The following TSPOAP1 variants were observed in gnomAD, a reference collection of about 807,000 sequenced individuals.
The protein encoded by TSPOAP1 is peripheral-type benzodiazepine receptor-associated protein 1.
Under a neutral mutation model 197.0 loss-of-function variants are expected in TSPOAP1, and 87 were observed. The ratio of observed to expected loss-of-function variants is 0.44; its 90% CI spans 0.37 to 0.53. The LOEUF is 0.53. Ranked by LOEUF, TSPOAP1 falls within the 20% of genes least tolerant of loss-of-function variation. The probability of loss-of-function intolerance (pLI) is 0.00; values close to 1 mark genes in which losing one functional copy is unlikely to be tolerated. For synonymous variants in TSPOAP1, 913 were observed against 998.9 expected (o/e 0.91, Z 1.62); for missense variants, 2,174 against 2,411.3 (o/e 0.90, Z 2.06).
rs1380113123 is a variant in TSPOAP1, at chr17:58,302,381, T to C, written c.*99A>G. The stretch of plus-strand genomic sequence containing the variant: ...TCCCCACGTTCAATCCTGGGGGCGC[T>C]GCCAGAGCTGGGGGTACAAGGCCCA... On this transcript the variant is annotated 3_prime_UTR_variant, in exon 32 of 32. Coordinates refer to ENST00000343736, the MANE Select transcript of TSPOAP1 (RefSeq NM_004758.4). 3 of 1,288,240 alleles carry C rather than the reference T, an allele frequency of 2.3e-6. No individual in the cohort carries two copies. The East Asian group carries it at 1.7e-4, about 72-fold the overall frequency. The allele number at this position is 1,288,240 out of a possible 1,614,324, so 79.8% of individuals were successfully genotyped here.
Position 58,322,005 on chromosome 17 carries a change from C to A in TSPOAP1, c.1422+303G>T. 5.4e-6 allele frequency: 2 copies of A among 373,444 alleles called. No individual in the cohort carries two copies. The highest frequency in any genetic ancestry group is 9.9e-5 in the South Asian group (2 of 20,216). The allele number at this position is 373,444 out of a possible 1,614,324, so 23.1% of individuals were successfully genotyped here. ...GCATGTGCATGTCTACACCTCCTGG[C>A]TGGCAAGGTCAATTGTCACCTCCTC... On this transcript the variant is annotated intron_variant, in intron 10 of 31. Coordinates refer to ENST00000343736, the MANE Select transcript of TSPOAP1 (RefSeq NM_004758.4). The surrounding 1 kb of genome is among the most constrained non-coding windows in gnomAD (Gnocchi z 5.0).
At chr17:58,302,721 C>A in intron 31 of TSPOAP1, 1 of 183,262 alleles carries the variant, frequency 5.5e-6, no homozygotes, top group Non-Finnish European at 1.2e-5. Context: ...AGGCCCCTTC[C>A]CTTCTCCCTC....
At chr17:58,321,430 T>G (rs1299017434) in intron 10 of TSPOAP1, among the ~76,000 whole-genome samples, 1 of 152,114 alleles carries the variant, frequency 6.6e-6, no homozygotes, top group Non-Finnish European at 1.5e-5. Context: ...CCTGAGTAGC[T>G]GGGACTACAG....
intron 22 of TSPOAP1, 45 bp downstream of exon 22, chr17:58,308,496 G>T (rs1441793285): frequency 1.3e-6 from 2 of 1,486,450 alleles, no homozygotes; most frequent in Non-Finnish European, 1.8e-6. Flanking sequence ...GGGCCACCAG[G>T]TGGCAGCAGG....
chr17:58,316,011 C>T lies in TSPOAP1; in HGVS notation c.2098+12G>A. 14 of 1,602,354 alleles carry T rather than the reference C, an allele frequency of 8.7e-6. No individual in the cohort carries two copies. The highest frequency in any genetic ancestry group is 1.2e-5 in the Non-Finnish European group (14 of 1,169,356). On this transcript the variant is annotated intron_variant, in intron 16 of 31. Transcript: ENST00000343736. ...GGGGAATGGACAGAATGACCCCCCA[C>T]TACATTCCTACCTTCAAAAAAGCCA...
Position 58,326,613 on chromosome 17 carries a change from G to T in TSPOAP1, c.441+70C>A. On this transcript the variant is annotated intron_variant, in intron 2 of 31. Coordinates refer to ENST00000343736, the MANE Select transcript of TSPOAP1 (RefSeq NM_004758.4). The surrounding 1 kb of genome is among the most constrained non-coding windows in gnomAD (Gnocchi z 4.7). Reference sequence around the variant, plus strand: ...CCCCCACTTGGAAAGATGTTCATGGGGTGAGGAGGGCACTGAGGCAGAGGG... The same window carrying T: ...CCCCCACTTGGAAAGATGTTCATGGTGTGAGGAGGGCACTGAGGCAGAGGG... 2 of 1,562,250 alleles carry T rather than the reference G, an allele frequency of 1.3e-6. No homozygotes were observed. Among genetic ancestry groups the T allele is most frequent in the African/African-American group, 1.4e-5 (1 of 73,866 alleles).
Position 58,322,309 on chromosome 17 carries a change from T to A in TSPOAP1, c.1421A>T (p.Gln474Leu). 1 of 1,602,708 alleles carries A rather than the reference T, an allele frequency of 6.2e-7. No homozygotes were observed. The highest frequency in any genetic ancestry group is 8.5e-7 in the Non-Finnish European group (1 of 1,179,736). The change falls in exon 10 of 32, where the codon CAG (glutamine) becomes CTG (leucine). Residue 474 changes from glutamine (Q) to leucine (L), a missense_variant and splice_region_variant. Around this residue, in one of 5 missense-constraint regions of TSPOAP1, gnomAD observed 1,933 missense variants for 2,139.0 expected, o/e 0.90. Coordinates refer to ENST00000343736, the MANE Select transcript of TSPOAP1 (RefSeq NM_004758.4). The surrounding 1 kb of genome is among the most constrained non-coding windows in gnomAD (Gnocchi z 5.0). ...CAGCTTCCCTCACTGCCGCCCCACC[T>A]GCTGCAGTCTCCGGACCTCCTCCTG... The part of the protein sequence containing the change: ...EKQEEVRRLQ[Q>L]AQAEAQREHE...
chr17:58,320,599 C>T lies in TSPOAP1; in HGVS notation c.1423-18G>A, dbSNP rs1349536867. On this transcript the variant is annotated intron_variant, in intron 10 of 31. Transcript: ENST00000343736. The stretch of plus-strand genomic sequence containing the variant: ...GCCTGGGCCTACAGGTGGGGGGAAC[C>T]AAAATACTGGAGGGAAGGAGAAGGA... 2 of 1,418,776 alleles carry T rather than the reference C, an allele frequency of 1.4e-6. No homozygotes were observed. Among genetic ancestry groups the T allele is most frequent in the Non-Finnish European group, 9.3e-7 (1 of 1,080,858 alleles). The allele number at this position is 1,418,776 out of a possible 1,614,324, so 87.9% of individuals were successfully genotyped here.
intron 12 of TSPOAP1, 32 bp from the exon 13 acceptor site, chr17:58,319,326 C>A (rs2143096325): frequency 6.5e-7 from 1 of 1,543,730 alleles, no homozygotes; most frequent in East Asian, 2.4e-5. Context: ...GCCGCCAGGC[C>A]CCTCAAAGCT....
chr17:58,312,336 C>A lies in TSPOAP1; in HGVS notation c.2485G>T (p.Gly829Trp). Reference sequence around the variant, plus strand: ...GGCCCCAGGGCCTGTCGCAGCTCCCCATTCACACAGATATGGAAGCCGTGT... The same window carrying A: ...GGCCCCAGGGCCTGTCGCAGCTCCCAATTCACACAGATATGGAAGCCGTGT... ...ELHGFHICVN[G>W]ELRQALGPGA... is the part of the protein sequence containing the mutation. Residue 829 changes from glycine (G) to tryptophan (W), a missense_variant, in exon 17 of 32, where the codon GGG becomes TGG. Physicochemically the swap from Gly to Trp is radical, Grantham distance 184. This residue lies in a region of TSPOAP1 where 1,933 missense variants were observed against 2,139.0 expected (regional missense o/e 0.90). Transcript: ENST00000343736. 1 of 1,612,598 alleles carries A rather than the reference C, an allele frequency of 6.2e-7. No individual in the cohort carries two copies.
At position 58,312,601 on chromosome 17, in the gene TSPOAP1, A is replaced by G; in HGVS notation, c.2220T>C (p.Pro740=). The change falls in exon 17 of 32, where the codon CCT becomes CCC. Residue 740 remains proline (P), a synonymous_variant. Coordinates refer to ENST00000343736, the MANE Select transcript of TSPOAP1 (RefSeq NM_004758.4). ...ELADLSHSSG[P]ELSFLSVGGG... ...CACCTACACTCAGGAAACTGAGTTCAGGGCCTGAGCTGTGGGACAAATCGG... is the reference window on the plus strand; with the variant it reads ...CACCTACACTCAGGAAACTGAGTTCGGGGCCTGAGCTGTGGGACAAATCGG... The G allele has an allele frequency of 6.2e-7, 1 of 1,613,624 alleles. No homozygotes were observed. Among genetic ancestry groups the G allele is most frequent in the South Asian group, 1.1e-5 (1 of 91,040 alleles).
At chr17:58,321,477 T>C (rs1414834355) in intron 10 of TSPOAP1, among the ~76,000 whole-genome samples, 1 of 152,194 alleles carries the variant, frequency 6.6e-6, no homozygotes, top group Non-Finnish European at 1.5e-5. Flanking sequence ...TTTGTATTTT[T>C]GGTAGAGACG....
intron 11 of TSPOAP1, 37 bp from the exon 12 acceptor site, chr17:58,320,166 C>T: frequency 1.9e-6 from 3 of 1,613,952 alleles, no homozygotes; most frequent in Non-Finnish European, 2.5e-6. Context: ...AGGTTAGAAC[C>T]CTGAGCGCTG....
chr17:58,327,161 A>G (rs1260170282), intron 1 of TSPOAP1, among the ~76,000 whole-genome samples: 1 of 149,852 alleles, frequency 6.7e-6, no homozygotes, highest in Non-Finnish European at 1.5e-5. Context: ...ACCCACCCCA[A>G]CCCTGCCTCA....
intron 27 of TSPOAP1, 69 bp from the exon 28 acceptor site, chr17:58,305,712 C>G: frequency 7.0e-7 from 1 of 1,426,440 alleles, no homozygotes; most frequent in Non-Finnish European, 9.7e-7. Flanking sequence ...TCTTCTGCCC[C>G]GGACCCCTGC....
chr17:58,305,190 T>C lies in TSPOAP1; in HGVS notation c.5434-19A>G. On this transcript the variant is annotated intron_variant, in intron 29 of 31. Coordinates refer to ENST00000343736, the MANE Select transcript of TSPOAP1 (RefSeq NM_004758.4). ...ATTCCCCCTGGAGAGAAGAGGCCGG[T>C]GAGACTGAGATCAGGAAAGAGGCTC... 1 of 1,581,646 alleles carries C rather than the reference T, an allele frequency of 6.3e-7. No homozygotes were observed. The highest frequency in any genetic ancestry group is 8.7e-7 in the Non-Finnish European group (1 of 1,150,560).
Position 58,307,920 on chromosome 17 carries a change from T to C in TSPOAP1, c.4753A>G (p.Arg1585Gly). ...CTCCGCCCAGAGCCGTCCTGCCCTCTGGCCTCTCCGGTCTCTGTTGCCTGC... is the reference window on the plus strand; with the variant it reads ...CTCCGCCCAGAGCCGTCCTGCCCTCCGGCCTCTCCGGTCTCTGTTGCCTGC... The part of the protein sequence containing the change: ...LSRATETGEA[R>G]GQDGSGRRGP... Residue 1585 changes from arginine (R) to glycine (G), a missense_variant, in exon 23 of 32, where the codon AGA becomes GGA. By Grantham distance (125) the Arg-to-Gly change is moderately radical. Around this residue, in one of 5 missense-constraint regions of TSPOAP1, gnomAD observed 1,933 missense variants for 2,139.0 expected, o/e 0.90. Transcript: ENST00000343736. The C allele has an allele frequency of 1.9e-6, 3 of 1,612,860 alleles. No homozygotes were observed. Among genetic ancestry groups the C allele is most frequent in the South Asian group, 1.1e-5 (1 of 90,994 alleles).
intron 24 of TSPOAP1, 188 bp downstream of exon 24, chr17:58,307,422 AG>A: frequency 1.4e-6 from 1 of 711,214 alleles, no homozygotes. Context: ...ACTGAGGCCC[AG>A]GGGGCCTAGG....
In TSPOAP1 at chr17:58,324,767, C is replaced by CTGTAT; in HGVS notation, c.942+43_942+44insATACA. 7.5e-7 allele frequency: 1 copy of CTGTAT among 1,338,214 alleles called. No individual in the cohort carries two copies. 82.9% of individuals were successfully genotyped at this position (1,338,214 alleles called of 1,614,324 possible). A position where few individuals can be genotyped will look rare whatever the true frequency, so the allele number is the denominator to read the frequency against. ...AGATCCCGGTGGTCGTTCCCCCCAC[C>CTGTAT]CATCTGCACGCACCCACACACCTGC... On this transcript the variant is annotated intron_variant, in intron 5 of 31. Transcript: ENST00000343736. This position sits in a 1 kb window ranked among gnomAD's most constrained non-coding sequence, Gnocchi z 5.8.
Sources: gnomAD v4.1 joint callset for allele counts (sites outside exome capture counted in the v4.1 genomes callset) on GRCh38, gnomAD v4.1.1 for gene constraint, gnomAD v4.1.1 regional missense constraint, Gnocchi (gnomAD v3.1) non-coding constraint, MANE v1.5 for transcripts, NCBI Gene and HGNC (gene_info 2026-07-23, HGNC 2026-07-21) for gene names.